Variants in CSMD1 observed in about 807,000 individuals in gnomAD.
The protein encoded by CSMD1 is CUB and sushi domain-containing protein 1.
A neutral mutation model predicts 417.5 loss-of-function variants in CSMD1; 213 were observed. The observed-to-expected ratio is 0.51, with a 90% confidence interval of 0.46 to 0.57. The LOEUF (loss-of-function observed/expected upper bound fraction) is 0.57, where lower values mean the gene tolerates loss of function less well. Ranked by LOEUF, CSMD1 falls within the 20% of genes least tolerant of loss-of-function variation. CSMD1 has a pLI of 0.00. For synonymous variants in CSMD1, 2,862 were observed against 1,736.8 expected (o/e 1.65, Z -16.11); for missense variants, 6,923 against 4,529.7 (o/e 1.53, Z -15.17).
intron 1 of CSMD1, among the ~76,000 whole-genome samples, chr8:4,706,379 G>T (rs188760679): frequency 9.9e-5 from 15 of 151,960 alleles, no homozygotes; most frequent in African/African-American, 3.4e-4. Flanking sequence ...ATTAGACTAC[G>T]TTATCTGCAG....
At chr8:4,068,613 T>C (rs1799382018) in intron 3 of CSMD1, among the ~76,000 whole-genome samples, 2 of 152,142 alleles carry the variant, frequency 1.3e-5, no homozygotes, top group Non-Finnish European at 1.5e-5. Flanking sequence ...ACATATCTAG[T>C]TCATATAATG....
chr8:3,769,579 G>C (rs1173352860), intron 5 of CSMD1, among the ~76,000 whole-genome samples: 1 of 151,942 alleles, frequency 6.6e-6, no homozygotes, highest in African/African-American at 2.4e-5. Context: ...TTACAGATAT[G>C]TACACGCAGA....
chr8:4,295,203 C>A (rs576637170), intron 3 of CSMD1, among the ~76,000 whole-genome samples: 49 of 72,102 alleles, frequency 6.8e-4, no homozygotes, highest in African/African-American at 2.1e-3. Flanking sequence ...CACATATAAT[C>A]TTAAGATTTT....
chr8:3,512,354 G>T (rs968514872), intron 10 of CSMD1, among the ~76,000 whole-genome samples: 2 of 152,100 alleles, frequency 1.3e-5, no homozygotes, highest in Non-Finnish European at 2.9e-5. Context: ...CCCTAATACA[G>T]ACTTCAGCTC....
At chr8:3,459,103 C>T (rs575026801) in intron 12 of CSMD1, among the ~76,000 whole-genome samples, 3 of 152,322 alleles carry the variant, frequency 2.0e-5, no homozygotes, top group African/African-American at 4.8e-5. Context: ...CACAGGATGG[C>T]AAGCACACAG....
chr8:3,922,497 G>C (rs1044292994), intron 5 of CSMD1, among the ~76,000 whole-genome samples: 9 of 151,728 alleles, frequency 5.9e-5, no homozygotes, highest in African/African-American at 2.2e-4. Context: ...GATAATTTTT[G>C]TATTCATAGG....
At chr8:3,772,308 TAGACATAC>T (rs1248621117) in intron 5 of CSMD1, among the ~76,000 whole-genome samples, 1,349 of 134,682 alleles carry the variant, frequency 0.01, 192 homozygotes, top group African/African-American at 0.029. Flanking sequence ...TACATATATT[TAGACATAC>T]ATATGTACAT....
At chr8:4,090,379 A>AT (rs889496473) in intron 3 of CSMD1, among the ~76,000 whole-genome samples, 31 of 152,172 alleles carry the variant, frequency 2.0e-4, no homozygotes, top group Non-Finnish European at 4.4e-5. Context: ...AAAGTGTCAG[A>AT]TTTTCCACTC....
chr8:3,159,061 T>C (rs1819718616), intron 38 of CSMD1, among the ~76,000 whole-genome samples: 1 of 152,208 alleles, frequency 6.6e-6, no homozygotes, highest in Non-Finnish European at 1.5e-5. Context: ...TTAAAGAAGA[T>C]ACTCCAGGTA....
Position 3,308,495 on chromosome 8 carries a change from G to C in CSMD1, c.3640C>G (p.Leu1214Val), listed in dbSNP as rs1398896491. Residue 1214 changes from leucine (L) to valine (V), a missense_variant, in exon 24 of 70, where the codon CTG becomes GTG. Coordinates refer to ENST00000635120, the MANE Select transcript of CSMD1 (RefSeq NM_033225.6). ...ATGCCCGGATCCTCACATTTTACCAGATCAAAACCTGCAAGAGAGAAAGGC... is the reference window on the plus strand; with the variant it reads ...ATGCCCGGATCCTCACATTTTACCACATCAAAACCTGCAAGAGAGAAAGGC... ...GFQLTYTSFD[L>V]VKCEDPGIPN... is the part of the protein sequence containing the mutation. The C allele has an allele frequency of 6.2e-7, 1 of 1,610,600 alleles. No individual in the cohort carries two copies. Among genetic ancestry groups the C allele is most frequent in the Non-Finnish European group, 8.5e-7 (1 of 1,177,670 alleles).
At chr8:4,331,631 G>A (rs541149739) in intron 3 of CSMD1, among the ~76,000 whole-genome samples, 1 of 152,088 alleles carries the variant, frequency 6.6e-6, no homozygotes, top group East Asian at 1.9e-4. Flanking sequence ...TGTCATGAAA[G>A]CCTCAGTCAT....
intron 3 of CSMD1, among the ~76,000 whole-genome samples, chr8:4,155,859 C>A (rs1796806727): frequency 1.3e-5 from 2 of 152,182 alleles, no homozygotes; most frequent in South Asian, 4.2e-4. Context: ...AATGAAACAA[C>A]AAAAAAGTGC....
chr8:2,944,268 T>A (rs1295460477), intron 68 of CSMD1, among the ~76,000 whole-genome samples: 1 of 152,114 alleles, frequency 6.6e-6, no homozygotes, highest in African/African-American at 2.4e-5. Flanking sequence ...ACGCAAAACA[T>A]TCTGAGATGG....
At chr8:4,455,477 C>G (rs778722792) in intron 2 of CSMD1, among the ~76,000 whole-genome samples, 50 of 152,124 alleles carry the variant, frequency 3.3e-4, no homozygotes, top group Non-Finnish European at 6.6e-4. Context: ...GACAGCACAT[C>G]TAAGAATAGA....
chr8:3,720,620 T>TTC (rs72331833), intron 6 of CSMD1, among the ~76,000 whole-genome samples: 2,900 of 143,396 alleles, frequency 0.02, 83 homozygotes, highest in African/African-American at 0.066. Flanking sequence ...TCTTTATTCT[T>TTC]ACACACACAC....
At chr8:3,235,059 G>T (rs1198268310) in intron 26 of CSMD1, among the ~76,000 whole-genome samples, 1 of 152,104 alleles carries the variant, frequency 6.6e-6, no homozygotes, top group Non-Finnish European at 1.5e-5. Flanking sequence ...GCACTCATTT[G>T]CAAGTGATAA....
At chr8:4,244,131 G>A (rs1339660632) in intron 3 of CSMD1, among the ~76,000 whole-genome samples, 3 of 152,086 alleles carry the variant, frequency 2.0e-5, no homozygotes, top group Non-Finnish European at 2.9e-5. Context: ...TGAGTTTCGC[G>A]CAGCACAAGT....
chr8:3,917,139 TG>T (rs1281559816), intron 5 of CSMD1, among the ~76,000 whole-genome samples: 1 of 152,164 alleles, frequency 6.6e-6, no homozygotes, highest in African/African-American at 2.4e-5. Flanking sequence ...AGAGAATGAG[TG>T]CTTACCTGCT....
intron 5 of CSMD1, among the ~76,000 whole-genome samples, chr8:3,776,728 G>A (rs1031500532): frequency 6.6e-6 from 1 of 150,486 alleles, no homozygotes; most frequent in African/African-American, 2.5e-5. Context: ...GATACATTAG[G>A]TAGATGACAG....
Sources: gnomAD v4.1 joint callset for allele counts (sites outside exome capture counted in the v4.1 genomes callset) on GRCh38, gnomAD v4.1.1 for gene constraint, MANE v1.5 for transcripts, NCBI Gene and HGNC (gene_info 2026-07-23, HGNC 2026-07-21) for gene names.